Variants in TEKT1 observed in about 807,000 individuals in gnomAD.
The protein encoded by TEKT1 is tektin-1.
Under a neutral mutation model 34.8 loss-of-function variants are expected in TEKT1, and 32 were observed. That is an observed-to-expected ratio of 0.92 (90% CI 0.69 to 1.23). The LOEUF (loss-of-function observed/expected upper bound fraction) is 1.23. Ranked by LOEUF, TEKT1 falls within the 50% of genes most tolerant of loss-of-function variation. The pLI is 0.00. For synonymous variants in TEKT1, 207 were observed against 199.8 expected (o/e 1.04, Z -0.30); for missense variants, 492 against 518.5 (o/e 0.95, Z 0.50).
intron 6 of TEKT1, among the ~76,000 whole-genome samples, chr17:6,802,521 G>C (rs1976788775): frequency 6.6e-6 from 1 of 151,092 alleles, no homozygotes; most frequent in African/African-American, 2.4e-5. Context: ...TAGGGTACAT[G>C]TGCACAACGT....
Position 6,800,123 on chromosome 17 carries a change from T to A in TEKT1, c.1161A>T (p.Glu387Asp), listed in dbSNP as rs770378330. 3 of 1,614,146 alleles carry A rather than the reference T, an allele frequency of 1.9e-6. No individual in the cohort carries two copies. In the Admixed American group the frequency reaches 5.0e-5, roughly 27 times the overall value. Reference protein sequence around the residue: ...QVKENTIYIDEVLCMQMRKSI... With the variant: ...QVKENTIYIDDVLCMQMRKSI... ...ATTTCCTCATCTGCATACACAGCACTTCGTCGATATAAATGGTGTTCTCTT... is the reference window on the plus strand; with the variant it reads ...ATTTCCTCATCTGCATACACAGCACATCGTCGATATAAATGGTGTTCTCTT... Residue 387 changes from glutamate to aspartate, a missense_variant, in exon 8 of 8, where the codon GAA becomes GAT. Coordinates refer to ENST00000338694, the MANE Select transcript of TEKT1 (RefSeq NM_053285.2).
chr17:6,831,165 G>A (rs975827995), intron 1 of TEKT1, among the ~76,000 whole-genome samples: 2 of 152,154 alleles, frequency 1.3e-5, no homozygotes, highest in Admixed American at 6.5e-5. Flanking sequence ...GAACAACACA[G>A]GGGAAGCCAG....
Position 6,800,751 on chromosome 17 carries a change from C to A in TEKT1, c.1045G>T (p.Ala349Ser). The A allele has an allele frequency of 6.2e-7, 1 of 1,610,312 alleles. No individual in the cohort carries two copies. Among genetic ancestry groups the A allele is most frequent in the Non-Finnish European group, 8.5e-7 (1 of 1,177,704 alleles). Residue 349 changes from alanine to serine, a missense_variant, in exon 7 of 8, where the codon GCA (alanine) becomes TCA (serine). Physicochemically the swap from Ala to Ser is moderately conservative, Grantham distance 99 (BLOSUM62 1). Transcript: ENST00000338694. ...KEVQEITHNV[A>S]RLKETLAQAQ... ...GCCCACTGGCTGCTAGCCTACCTTG[C>A]GACATTGTGGGTGATCTCTTGAACC...
intron 5 of TEKT1, among the ~76,000 whole-genome samples, chr17:6,814,237 T>A (rs573974318): frequency 2.0e-4 from 31 of 152,336 alleles, no homozygotes; most frequent in African/African-American, 7.5e-4. Flanking sequence ...ATGTTTATTG[T>A]CTTAAGCTGC....
intron 5 of TEKT1, among the ~76,000 whole-genome samples, chr17:6,814,021 C>T (rs76186869): frequency 0.081 from 12,285 of 151,612 alleles, 621 homozygotes; most frequent in Middle Eastern, 0.18. Flanking sequence ...TGTCATGGGA[C>T]ATCCCCATGG....
chr17:6,815,911 C>G lies in TEKT1; in HGVS notation c.408G>C (p.Leu136=). 1 of 1,614,174 alleles carries G rather than the reference C, an allele frequency of 6.2e-7. No homozygotes were observed. Among genetic ancestry groups the G allele is most frequent in the South Asian group, 1.1e-5 (1 of 91,082 alleles). ...CCTGGATGATCTCAGCCTCCTTTAT[C>G]AGCTCATGCTCCACTGTGTCGTGCA... The part of the protein sequence containing the change: ...DLVHDTVEHE[L]IKEAEIIQGI... Residue 136 remains leucine, a synonymous_variant, in exon 4 of 8, where the codon CTG becomes CTC. Coordinates refer to ENST00000338694, the MANE Select transcript of TEKT1 (RefSeq NM_053285.2).
Position 6,819,198 on chromosome 17 carries a change from T to A in TEKT1, c.351A>T (p.Ala117=), listed in dbSNP as rs561555039. 1 of 1,612,236 alleles carries A rather than the reference T, an allele frequency of 6.2e-7. No individual in the cohort carries two copies. The highest frequency in any genetic ancestry group is 1.7e-4 in the Middle Eastern group (1 of 6,052). ...TGAGGGACCTTCGCTCCTACCTGTA[T>A]GCCAGGCATGTCTCAGTGATGTGCA... is the stretch of plus-strand genomic sequence containing the variant. ...EPLHITETCL[A]YREKRIGIDL... Residue 117 remains alanine (A), a synonymous_variant, in exon 3 of 8, where the codon GCA becomes GCT. Coordinates refer to ENST00000338694, the MANE Select transcript of TEKT1 (RefSeq NM_053285.2).
chr17:6,830,290 A>C lies in TEKT1; in HGVS notation c.87T>G (p.Ala29=). Residue 29 remains alanine (A), a synonymous_variant, in exon 2 of 8, where the codon GCT becomes GCG. Transcript: ENST00000338694. ...CCAGGCGTTCTGATCGGGACCTTTGAGCGTCTGCTCTGTGGTACTGGTTCT... is the reference window on the plus strand; with the variant it reads ...CCAGGCGTTCTGATCGGGACCTTTGCGCGTCTGCTCTGTGGTACTGGTTCT... ...ANKNQYHRAD[A]QRSRSERLVA... is the part of the protein sequence containing the mutation. The C allele has an allele frequency of 6.2e-7, 1 of 1,613,516 alleles. No individual in the cohort carries two copies. Among genetic ancestry groups the C allele is most frequent in the Non-Finnish European group, 8.5e-7 (1 of 1,179,940 alleles).
chr17:6,830,260 T>G lies in TEKT1; in HGVS notation c.117A>C (p.Ala39=). The part of the protein sequence containing the change: ...AQRSRSERLV[A]ESQRLVDEIE... Reference sequence around the variant, plus strand: ...TTTCATCCACAAGCCTCTGGCTTTCTGCGACCAGGCGTTCTGATCGGGACC... The same window carrying G: ...TTTCATCCACAAGCCTCTGGCTTTCGGCGACCAGGCGTTCTGATCGGGACC... The change falls in exon 2 of 8, where the codon GCA becomes GCC. Residue 39 remains alanine, a synonymous_variant. Transcript: ENST00000338694. 3 of 1,613,344 alleles carry G rather than the reference T, an allele frequency of 1.9e-6. No homozygotes were observed. Among genetic ancestry groups the G allele is most frequent in the Non-Finnish European group, 1.7e-6 (2 of 1,179,890 alleles).
chr17:6,807,414 C>A (rs569666913), intron 6 of TEKT1, among the ~76,000 whole-genome samples: 5 of 152,204 alleles, frequency 3.3e-5, no homozygotes, highest in Non-Finnish European at 5.9e-5. Flanking sequence ...TGGGTTCGAA[C>A]TTCCTCCTTT....
At position 6,830,397 on chromosome 17, in the gene TEKT1, A is replaced by C; in HGVS notation, c.-17-4T>G. The C allele has an allele frequency of 1.3e-6, 2 of 1,535,052 alleles. No homozygotes were observed. Among genetic ancestry groups the C allele is most frequent in the Non-Finnish European group, 1.7e-6 (2 of 1,144,192 alleles). ...GCCATTTGAGGTTTCCAAATTCCTGATCAAAAGCAGACTCTTTTAGATTAA... is the reference window on the plus strand; with the variant it reads ...GCCATTTGAGGTTTCCAAATTCCTGCTCAAAAGCAGACTCTTTTAGATTAA... On this transcript the variant is annotated splice_polypyrimidine_tract_variant and splice_region_variant and intron_variant, in intron 1 of 7. Transcript: ENST00000338694.
intron 2 of TEKT1, among the ~76,000 whole-genome samples, chr17:6,826,699 AT>A (rs1297685104): frequency 0.013 from 1,608 of 122,730 alleles, 21 homozygotes; most frequent in African/African-American, 0.056. Flanking sequence ...GATTATTATT[AT>A]TTTTTTTTTT....
intron 3 of TEKT1, among the ~76,000 whole-genome samples, chr17:6,817,834 T>C (rs1203517223): frequency 6.6e-6 from 1 of 152,218 alleles, no homozygotes; most frequent in Non-Finnish European, 1.5e-5. Context: ...AAGCATAAGC[T>C]ACAGTACCTG....
Position 6,812,959 on chromosome 17 carries a change from C to T in TEKT1, c.724G>A (p.Val242Met). 1.9e-6 allele frequency: 3 copies of T among 1,614,236 alleles called. No homozygotes were observed. Among genetic ancestry groups the T allele is most frequent in the Non-Finnish European group, 2.5e-6 (3 of 1,180,032 alleles). The change falls in exon 6 of 8, where the codon GTG becomes ATG. Residue 242 changes from valine (V) to methionine (M), a missense_variant. Transcript: ENST00000338694. The stretch of plus-strand genomic sequence containing the variant: ...GCTGTCTGGGACAGGATTCGATCCA[C>T]CAGGGCTTTCAGCATCAGGGAGTTG... The part of the protein sequence containing the change: ...RNNSLMLKAL[V>M]DRILSQTAND...
rs1976923937 is a variant in TEKT1, at chr17:6,811,268, T to G, written c.852+1563A>C. On this transcript the variant is annotated intron_variant, in intron 6 of 7. Coordinates refer to ENST00000338694, the MANE Select transcript of TEKT1 (RefSeq NM_053285.2). This position sits in a 1 kb window ranked among gnomAD's most constrained non-coding sequence, Gnocchi z 4.4. ...ATCATCAATCAACTATTTTTATTAT[T>G]TATATGTATGATATTATATGTTAAT... Among the ~76,000 whole-genome samples, 1 of 151,966 alleles carries G rather than the reference T, an allele frequency of 6.6e-6. No homozygotes were observed. The highest frequency in any genetic ancestry group is 1.9e-4 in the East Asian group (1 of 5,170).
rs1976947214 is a variant in TEKT1 at position 6,812,862 on chromosome 17, G to A, written c.821C>T (p.Ala274Val). 1.9e-6 allele frequency: 3 copies of A among 1,613,776 alleles called. No individual in the cohort carries two copies. The East Asian group carries it at 6.7e-5, about 36-fold the overall frequency. Reference sequence around the variant, plus strand: ...CAGATGATCAGCCAGCTTGTCCCTGGCATCCTTTGTATCCTTCAGCCCATT... The same window carrying A: ...CAGATGATCAGCCAGCTTGTCCCTGACATCCTTTGTATCCTTCAGCCCATT... ...FKNGLKDTKD[A>V]RDKLADHLAK... is the part of the protein sequence containing the mutation. The change falls in exon 6 of 8, where the codon GCC becomes GTC. Residue 274 changes from alanine to valine, a missense_variant. Coordinates refer to ENST00000338694, the MANE Select transcript of TEKT1 (RefSeq NM_053285.2).
rs1976726237 is a variant in TEKT1 at position 6,798,648 on chromosome 17, G to C, written c.*1379C>G. ...AAGCCAGTGCTTTTGGCCTCAAAGG[G>C]GGTTTCTCCATCCCAGATTGGGAAC... On this transcript the variant is annotated 3_prime_UTR_variant, in exon 8 of 8. Coordinates refer to ENST00000338694, the MANE Select transcript of TEKT1 (RefSeq NM_053285.2). The C allele has an allele frequency of 6.6e-6, 1 of 152,166 alleles. No individual in the cohort carries two copies. The highest frequency in any genetic ancestry group is 2.4e-5 in the African/African-American group (1 of 41,438). 9.4% of individuals were successfully genotyped at this position (152,166 alleles called of 1,614,324 possible). A position where few individuals can be genotyped will look rare whatever the true frequency, so the allele number is the denominator to read the frequency against.
In TEKT1 at chr17:6,811,024, G is replaced by A. The variant is rs1215790344; in HGVS notation, c.852+1807C>T. 1.3e-5 allele frequency among the ~76,000 whole-genome samples: 2 copies of A among 152,216 alleles called. No homozygotes were observed. The highest frequency in any genetic ancestry group is 2.9e-5 in the Non-Finnish European group (2 of 68,048). ...CCCAAAGTGCTGGGATTACAGGCGT[G>A]AGCCACCACGCCCGGCCGTGACATC... is the stretch of plus-strand genomic sequence containing the variant. On this transcript the variant is annotated intron_variant, in intron 6 of 7. Coordinates refer to ENST00000338694, the MANE Select transcript of TEKT1 (RefSeq NM_053285.2). This position sits in a 1 kb window ranked among gnomAD's most constrained non-coding sequence, Gnocchi z 4.4.
In TEKT1 at chr17:6,799,903, G is replaced by C; in HGVS notation, c.*124C>G. On this transcript the variant is annotated 3_prime_UTR_variant, in exon 8 of 8. Transcript: ENST00000338694. ...CAAAATCAGCCCCCTGAGCAGGCTT[G>C]GAATGCCAGCCAAGAGGTTGCAGCA... The C allele has an allele frequency of 1.1e-6, 1 of 926,782 alleles. No homozygotes were observed. Among genetic ancestry groups the C allele is most frequent in the African/African-American group, 1.7e-5 (1 of 60,350 alleles). The allele number at this position is 926,782 out of a possible 1,614,324, so 57.4% of individuals were successfully genotyped here.
Sources: allele counts gnomAD v4.1 joint callset (sites outside exome capture counted in the v4.1 genomes callset), GRCh38; gene constraint gnomAD v4.1.1; non-coding constraint Gnocchi (gnomAD v3.1); transcripts MANE v1.5; gene names NCBI Gene and HGNC (gene_info 2026-07-23, HGNC 2026-07-21).